Variants in GPRC5C observed in about 807,000 individuals in gnomAD.
GPRC5C encodes G protein-coupled receptor family C group 5 member C.
A neutral mutation model predicts 31.4 loss-of-function variants in GPRC5C; 22 were observed. That is an observed-to-expected ratio of 0.70 (90% confidence interval 0.50 to 1.00). GPRC5C has a LOEUF of 1.00. Ranked by LOEUF, GPRC5C falls within the 50% of genes least tolerant of loss-of-function variation. The probability of loss-of-function intolerance (pLI) is 0.00; values close to 1 mark genes in which losing one functional copy is unlikely to be tolerated. For missense variants in GPRC5C, 557 were observed against 597.2 expected (o/e 0.93, Z 0.70); for synonymous variants, 249 against 257.5 (o/e 0.97, Z 0.32).
rs374731795 is a variant in GPRC5C at position 74,439,021 on chromosome 17, C to T, written c.-32-724C>T. Among the ~76,000 whole-genome samples, 20 of 152,302 alleles carry T rather than the reference C, an allele frequency of 1.3e-4. No homozygotes were observed. The East Asian group carries it at 2.5e-3, about 19-fold the overall frequency. ...TAATTCCTTTGGGTTTTGCATTGCC[C>T]TTGCCTGGTTCTTACTTTTAAAATG... On this transcript the variant is annotated intron_variant, in intron 1 of 3. Transcript: ENST00000392627.
At chr17:74,432,176 T>C (rs2055359340) in intron 1 of GPRC5C, 35 bp downstream of exon 1, 1 of 1,594,444 alleles carries the variant, frequency 6.3e-7, no homozygotes, top group Non-Finnish European at 8.5e-7. Context: ...GCAGGCTTTG[T>C]TCCTGTGTAA....
chr17:74,439,724 C>T (rs764896445), intron 1 of GPRC5C, 21 bp from the exon 2 acceptor site: 1 of 1,573,374 alleles, frequency 6.4e-7, no homozygotes, highest in Non-Finnish European at 8.6e-7. Context: ...CTAATTTTGT[C>T]CCTTTTCCTT....
chr17:74,433,897 A>AAGTG, intron 1 of GPRC5C: 1 of 765,536 alleles, frequency 1.3e-6, no homozygotes, highest in Non-Finnish European at 2.4e-6. Flanking sequence ...TGCTCTGGAG[A>AAGTG]AGTGAGAAGG....
intron 1 of GPRC5C, among the ~76,000 whole-genome samples, chr17:74,433,221 G>A (rs1192831765): frequency 6.6e-6 from 1 of 151,978 alleles, no homozygotes; most frequent in Non-Finnish European, 1.5e-5. Flanking sequence ...TGCTCCTGGA[G>A]CTTCCTCTCC....
rs73997730 is a variant in GPRC5C at position 74,439,927 on chromosome 17, A to G, written c.151A>G (p.Ile51Val). 41 of 1,612,132 alleles carry G rather than the reference A, an allele frequency of 2.5e-5. No individual in the cohort carries two copies. The African/African-American group carries it at 4.9e-4, about 19-fold the overall frequency. ...NLCDRSGAWGIVLEAVAGAGI... is the reference protein window; with the variant it reads ...NLCDRSGAWGVVLEAVAGAGI... ...GTGTGACCGCTCTGGGGCGTGGGGC[A>G]TCGTCCTGGAGGCCGTGGCTGGGGC... The change falls in exon 2 of 4, where the codon ATC (isoleucine) becomes GTC (valine). Residue 51 changes from isoleucine (I) to valine (V), a missense_variant. Ile to Val is a conservative substitution (Grantham distance 29). Coordinates refer to ENST00000392627, the MANE Select transcript of GPRC5C (RefSeq NM_022036.4).
At position 74,439,892 on chromosome 17, in the gene GPRC5C, A is replaced by T. The variant is rs747428795; in HGVS notation, c.116A>T (p.Tyr39Phe). The T allele has an allele frequency of 3.1e-6, 5 of 1,612,880 alleles. No individual in the cohort carries two copies. The African/African-American group carries it at 6.7e-5, about 22-fold the overall frequency. ...TGCAGCCAAGGCCTCAACCCCCTGT[A>T]CTACAACCTGTGTGACCGCTCTGGG... is the stretch of plus-strand genomic sequence containing the variant. ...PGCSQGLNPL[Y>F]YNLCDRSGAW... The change falls in exon 2 of 4, where the codon TAC (tyrosine) becomes TTC (phenylalanine). Residue 39 changes from tyrosine (Y) to phenylalanine (F), a missense_variant. Coordinates refer to ENST00000392627, the MANE Select transcript of GPRC5C (RefSeq NM_022036.4).
chr17:74,434,221 C>T (rs1359231311), intron 1 of GPRC5C, among the ~76,000 whole-genome samples: 1 of 152,184 alleles, frequency 6.6e-6, no homozygotes, highest in African/African-American at 2.4e-5. Context: ...TGGGCTTCAG[C>T]TGTGGGGTGG....
At chr17:74,448,516 T>G (rs1262113664), downstream of GPRC5C, among the ~76,000 whole-genome samples, 1 of 152,172 alleles carries the variant, frequency 6.6e-6, no homozygotes, top group African/African-American at 2.4e-5. Flanking sequence ...TAGCTGGGAT[T>G]ATAGACATGT....
At chr17:74,443,166 G>C (rs1049106339) in intron 2 of GPRC5C, 3 of 181,992 alleles carry the variant, frequency 1.6e-5, no homozygotes, top group African/African-American at 4.8e-5. Flanking sequence ...AACACCCTGG[G>C]AGTGCCCAGC....
chr17:74,451,634 T>C (rs1382766946), downstream of GPRC5C: 1 of 151,710 alleles, frequency 6.6e-6, no homozygotes, highest in Non-Finnish European at 1.5e-5. Context: ...TTACCTTCCA[T>C]GGGTGAGGGC....
rs138266618 is a variant in GPRC5C at position 74,432,110 on chromosome 17, A to C, written c.-64A>C. 3.1e-4 allele frequency: 502 copies of C among 1,613,346 alleles called. 3 individuals carry two copies. The African/African-American group carries it at 5.6e-3, about 18-fold the overall frequency. ...GCCAGAAACTCCCATCTCCCTCACC[A>C]GCCGGAAAGTACGAGTCGGCTCAGC... On this transcript the variant is annotated 5_prime_UTR_variant, in exon 1 of 4. Transcript: ENST00000392627.
intron 3 of GPRC5C, 111 bp downstream of exon 3, chr17:74,444,023 G>C: frequency 1.4e-6 from 1 of 732,234 alleles, no homozygotes; most frequent in Admixed American, 2.8e-5. Flanking sequence ...GAGGTGGTAA[G>C]GGGAAGGCAA....
At chr17:74,448,681 T>G (rs2055678428), downstream of GPRC5C, 1 of 412,672 alleles carries the variant, frequency 2.4e-6, no homozygotes, top group Non-Finnish European at 4.9e-6. Context: ...TCTCGGCCCA[T>G]CAGCTCATTT....
In GPRC5C at chr17:74,433,863, A is replaced by C; in HGVS notation, c.-33+1722A>C. Reference sequence around the variant, plus strand: ...GGGGTCTCAGGCTTGTGTGTGGATGATGCTGGAGCGAGGAAGGGAGTTTTG... The same window carrying C: ...GGGGTCTCAGGCTTGTGTGTGGATGCTGCTGGAGCGAGGAAGGGAGTTTTG... On this transcript the variant is annotated intron_variant, in intron 1 of 3. Transcript: ENST00000392627. 4.6e-6 allele frequency: 4 copies of C among 862,736 alleles called. No individual in the cohort carries two copies. The South Asian group carries it at 5.3e-5, about 11-fold the overall frequency. The allele number at this position is 862,736 out of a possible 1,614,324, so 53.4% of individuals were successfully genotyped here. A position where few individuals can be genotyped will look rare whatever the true frequency, so the allele number is the denominator to read the frequency against.
chr17:74,440,646 C>G lies in GPRC5C; in HGVS notation c.870C>G (p.Ala290=). The G allele has an allele frequency of 6.2e-7, 1 of 1,608,056 alleles. No individual in the cohort carries two copies. Among genetic ancestry groups the G allele is most frequent in the Non-Finnish European group, 8.5e-7 (1 of 1,175,044 alleles). Reference sequence around the variant, plus strand: ...TCGCCCTCGCCGCCAATGCCTGGGCCTTCGTCCTCTTCTACGTCATCCCCG... The same window carrying G: ...TCGCCCTCGCCGCCAATGCCTGGGCGTTCGTCCTCTTCTACGTCATCCCCG... The part of the protein sequence containing the change: ...LAIALAANAW[A]FVLFYVIPEV... Residue 290 remains alanine (A), a synonymous_variant, in exon 2 of 4, where the codon GCC becomes GCG. Transcript: ENST00000392627. The surrounding 1 kb of genome is among the most constrained non-coding windows in gnomAD (Gnocchi z 4.4).
Position 74,443,855 on chromosome 17 carries a change from G to A in GPRC5C, c.1089G>A (p.Gly363=), listed in dbSNP as rs1480881572. The change falls in exon 3 of 4, where the codon GGG becomes GGA. Residue 363 remains glycine, a synonymous_variant. Transcript: ENST00000392627. ...TGTCACCATACAGCGGGTACAATGG[G>A]CAGCTGCTGACCAGTGTGTACCAGC... is the stretch of plus-strand genomic sequence containing the variant. The part of the protein sequence containing the change: ...RPVSPYSGYN[G]QLLTSVYQPT... The A allele has an allele frequency of 1.2e-6, 2 of 1,613,476 alleles. No homozygotes were observed. Among genetic ancestry groups the A allele is most frequent in the African/African-American group, 1.3e-5 (1 of 74,926 alleles).
At chr17:74,439,126 C>T (rs60144705) in intron 1 of GPRC5C, among the ~76,000 whole-genome samples, 3,751 of 152,272 alleles carry the variant, frequency 0.025, 156 homozygotes, top group African/African-American at 0.084. Flanking sequence ...CCTTGACTTC[C>T]GCTTCCGAGC....
intron 2 of GPRC5C, among the ~76,000 whole-genome samples, chr17:74,441,699 C>T (rs1257436400): frequency 6.6e-6 from 1 of 152,026 alleles, no homozygotes; most frequent in African/African-American, 2.4e-5. Flanking sequence ...TAGTGCATGC[C>T]TATGGTCCCA....
chr17:74,442,283 G>C (rs1360866533), intron 2 of GPRC5C, among the ~76,000 whole-genome samples: 1 of 152,238 alleles, frequency 6.6e-6, no homozygotes, highest in African/African-American at 2.4e-5. Context: ...GATTACAGGT[G>C]TGAGCCACTG....
Sources: allele counts gnomAD v4.1 joint callset (sites outside exome capture counted in the v4.1 genomes callset), GRCh38; gene constraint gnomAD v4.1.1; non-coding constraint Gnocchi (gnomAD v3.1); transcripts MANE v1.5; gene names NCBI Gene and HGNC (gene_info 2026-07-23, HGNC 2026-07-21).